XRCC5: variants seen among roughly 807,000 people sequenced by gnomAD.
XRCC5 encodes the protein X-ray repair cross complementing 5.
A neutral mutation model predicts 95.7 loss-of-function variants in XRCC5; 12 were observed. The ratio of observed to expected loss-of-function variants is 0.13; its 90% confidence interval spans 0.08 to 0.20. The LOEUF is 0.20. XRCC5 is among the 10% of genes least tolerant of loss of function. The probability of loss-of-function intolerance (pLI) is 1.00; values close to 1 mark genes in which losing one functional copy is unlikely to be tolerated. For missense variants in XRCC5, 595 were observed against 873.9 expected (o/e 0.68, Z 4.02); for synonymous variants, 281 against 290.3 (o/e 0.97, Z 0.33).
chr2:216,120,056 T>G (rs1232994820), intron 5 of XRCC5, among the ~76,000 whole-genome samples: 1 of 152,260 alleles, frequency 6.6e-6, no homozygotes, highest in East Asian at 1.9e-4. Context: ...GAACTTGTTT[T>G]GCATGTGTGA....
chr2:216,157,566 G>GGCC (rs1688870840), intron 14 of XRCC5, among the ~76,000 whole-genome samples: 1 of 151,698 alleles, frequency 6.6e-6, no homozygotes, highest in Non-Finnish European at 1.5e-5. Context: ...GAAAGAGATA[G>GGCC]GCCTATCACA....
intron 13 of XRCC5, among the ~76,000 whole-genome samples, chr2:216,143,055 G>A (rs369648907): frequency 3.2e-4 from 48 of 152,284 alleles, no homozygotes; most frequent in African/African-American, 1.1e-3. Flanking sequence ...CTTCACATTA[G>A]CCTACAGTTG....
chr2:216,150,531 C>T (rs1257587271), intron 14 of XRCC5, among the ~76,000 whole-genome samples: 2 of 152,170 alleles, frequency 1.3e-5, no homozygotes, highest in Non-Finnish European at 2.9e-5. Flanking sequence ...GTGGTATGGC[C>T]TTTTGTCCTC....
At chr2:216,150,369 A>G (rs1688719301) in intron 14 of XRCC5, among the ~76,000 whole-genome samples, 1 of 152,228 alleles carries the variant, frequency 6.6e-6, no homozygotes, top group South Asian at 2.1e-4. Flanking sequence ...CAATGAACAA[A>G]GATATTAAAG....
At chr2:216,115,341 G>A (rs1248041312) in intron 2 of XRCC5, among the ~76,000 whole-genome samples, 1 of 152,142 alleles carries the variant, frequency 6.6e-6, no homozygotes, top group African/African-American at 2.4e-5. Context: ...GTCAGAATCA[G>A]GAACTTAGTG....
intron 16 of XRCC5, among the ~76,000 whole-genome samples, chr2:216,187,049 T>G (rs140596615): frequency 6.6e-6 from 1 of 152,208 alleles, no homozygotes; most frequent in African/African-American, 2.4e-5. Flanking sequence ...TGGTTCGTTA[T>G]AGTCAGTGAA....
Position 216,196,228 on chromosome 2 carries a change from A to C in XRCC5, c.2109+1242A>C, listed in dbSNP as rs41296765. ...GCAAAAGATTTTTGTTAAAAAAAAA[A>C]AAAAAACTTGTCATCCCTACTTTCA... is the stretch of plus-strand genomic sequence containing the variant. On this transcript the variant is annotated intron_variant, in intron 19 of 20. Transcript: ENST00000392132. Among the ~76,000 whole-genome samples the C allele has an allele frequency of 1.7e-3, 256 of 152,224 alleles. 1 individual carries two copies. Among genetic ancestry groups the C allele is most frequent in the Admixed American group, 0.012 (180 of 15,294 alleles).
rs41296366 is a variant in XRCC5, at chr2:216,133,363, G to A, written c.1113+976G>A. Among the ~76,000 whole-genome samples, 2,156 of 152,266 alleles carry A rather than the reference G, an allele frequency of 0.014. 119 individuals carry two copies. The East Asian group carries it at 0.17, about 12-fold the overall frequency. ...TTTATTTTGTTTTGTTTTTTTAAGA[G>A]ACAAGATCTCATATGTTTCCCAGGC... is the stretch of plus-strand genomic sequence containing the variant. On this transcript the variant is annotated intron_variant, in intron 10 of 20. Transcript: ENST00000392132.
In XRCC5 at chr2:216,122,047, G is replaced by T; in HGVS notation, c.492-15G>T. 1.2e-6 allele frequency: 2 copies of T among 1,602,066 alleles called. No homozygotes were observed. The highest frequency in any genetic ancestry group is 2.2e-5 in the South Asian group (2 of 90,134). ...CAGGATTAGAACACTAACTACTGTT[G>T]ATCTTTCTTAATAGCTTGCCTTTCT... On this transcript the variant is annotated splice_polypyrimidine_tract_variant and intron_variant, in intron 5 of 20. Transcript: ENST00000392132.
intron 20 of XRCC5, 145 bp downstream of exon 20, chr2:216,204,541 A>C: frequency 1.3e-6 from 1 of 771,168 alleles, no homozygotes; most frequent in Non-Finnish European, 2.1e-6. Context: ...ACCATTATAT[A>C]TTGCCATTAT....
chr2:216,182,251 T>A (rs894600381), intron 16 of XRCC5, among the ~76,000 whole-genome samples: 1 of 152,186 alleles, frequency 6.6e-6, no homozygotes, highest in African/African-American at 2.4e-5. Context: ...TACCAACTTT[T>A]AATTGGATCC....
At chr2:216,136,431 C>A (rs983547580) in intron 10 of XRCC5, among the ~76,000 whole-genome samples, 6 of 151,114 alleles carry the variant, frequency 4.0e-5, no homozygotes, top group Middle Eastern at 7.0e-3. Context: ...TGAAATAATC[C>A]CCAAGTAGAA....
chr2:216,172,538 A>G (rs1209283659), intron 16 of XRCC5, among the ~76,000 whole-genome samples: 1 of 137,442 alleles, frequency 7.3e-6, no homozygotes, highest in Non-Finnish European at 1.5e-5. Flanking sequence ...GTGCGATCCT[A>G]GCTCACTGTA....
rs1696918364 is a variant in XRCC5, at chr2:216,127,561, C to T, written c.824C>T (p.Thr275Ile). The change falls in exon 8 of 21, where the codon ACT becomes ATT. Residue 275 changes from threonine to isoleucine, a missense_variant. Thr to Ile is a moderately conservative substitution (Grantham distance 89). Transcript: ENST00000392132. ...ATTCTACAGGAGAGAGTTAAAAAGACTTGGACAGTTGTGGATGCAAAAACC... is the reference window on the plus strand; with the variant it reads ...ATTCTACAGGAGAGAGTTAAAAAGATTTGGACAGTTGTGGATGCAAAAACC... ...KSILQERVKK[T>I]WTVVDAKTLK... 2 of 1,607,146 alleles carry T rather than the reference C, an allele frequency of 1.2e-6. No homozygotes were observed. The highest frequency in any genetic ancestry group is 1.7e-5 in the Admixed American group (1 of 58,118).
In XRCC5 at chr2:216,146,779, A is replaced by G. The variant is rs942750118; in HGVS notation, c.1477-1304A>G. On this transcript the variant is annotated intron_variant, in intron 13 of 20. Transcript: ENST00000392132. ...ACTTCACTCACATGGGCAGTGGAGA[A>G]TTTGCCCTGGCCTTGATCTTGGCGC... is the stretch of plus-strand genomic sequence containing the variant. 3.3e-5 allele frequency among the ~76,000 whole-genome samples: 5 copies of G among 152,134 alleles called. 1 individual carries two copies. Among genetic ancestry groups the G allele is most frequent in the African/African-American group, 1.2e-4 (5 of 41,434 alleles).
At chr2:216,187,817 A>ACT (rs1367704597) in intron 16 of XRCC5, among the ~76,000 whole-genome samples, 15 of 59,106 alleles carry the variant, frequency 2.5e-4, no homozygotes, top group South Asian at 1.4e-3. Context: ...ACACACACAC[A>ACT]CACACTCTCT....
chr2:216,119,286 T>A (rs1696758665), intron 5 of XRCC5, 121 bp downstream of exon 5: 1 of 1,061,462 alleles, frequency 9.4e-7, no homozygotes, highest in Admixed American at 2.4e-5. Context: ...AGGCTGAATC[T>A]GTCAGATGAC....
intron 16 of XRCC5, among the ~76,000 whole-genome samples, chr2:216,162,580 C>T (rs1483278907): frequency 6.6e-6 from 1 of 151,636 alleles, no homozygotes; most frequent in Non-Finnish European, 1.5e-5. Flanking sequence ...TTTGTTTAGA[C>T]GGGGTTTCTC....
chr2:216,139,953 T>A (rs927237928), intron 12 of XRCC5, among the ~76,000 whole-genome samples: 1 of 152,250 alleles, frequency 6.6e-6, no homozygotes, highest in Non-Finnish European at 1.5e-5. Context: ...AATGGAACAT[T>A]AAAGTTATTT....
Sources: allele counts gnomAD v4.1 joint callset (sites outside exome capture counted in the v4.1 genomes callset), GRCh38; gene constraint gnomAD v4.1.1; transcripts MANE v1.5; gene names NCBI Gene and HGNC (gene_info 2026-07-23, HGNC 2026-07-21).